NCOR2: variants seen among roughly 807,000 people sequenced by gnomAD.
The protein encoded by NCOR2 is CTG repeat protein 26.
NCOR2 carries 81 observed loss-of-function variants against 262.9 expected under a neutral mutation model. That is an observed-to-expected ratio of 0.31 (90% CI 0.26 to 0.37). NCOR2 has a LOEUF of 0.37. Ranked by LOEUF, NCOR2 falls within the 10% of genes least tolerant of loss-of-function variation. NCOR2 has a pLI of 1.00. For synonymous variants in NCOR2, 1,659 were observed against 1,559.3 expected (o/e 1.06, Z -1.51); for missense variants, 3,385 against 3,621.4 (o/e 0.93, Z 1.68).
At chr12:124,490,295 T>G (rs2048009587) in intron 1 of NCOR2, among the ~76,000 whole-genome samples, 1 of 152,168 alleles carries the variant, frequency 6.6e-6, no homozygotes, top group Non-Finnish European at 1.5e-5. Flanking sequence ...CAACTCGCCA[T>G]TCCCCACAAG....
At chr12:124,347,611 A>G in intron 30 of NCOR2, 1 of 574,828 alleles carries the variant, frequency 1.7e-6, no homozygotes, top group Non-Finnish European at 3.1e-6. Context: ...CACAGGGGTG[A>G]TCGGTGGTAT....
At chr12:124,385,596 C>A (rs1307693636) in intron 17 of NCOR2, 149 bp downstream of exon 19, 14 of 1,233,412 alleles carry the variant, frequency 1.1e-5, no homozygotes, top group African/African-American at 1.5e-5. Flanking sequence ...TACTCCCGGG[C>A]TTGAACCCCC....
chr12:124,564,115 T>C (rs1328639966), intron 1 of NCOR2, among the ~76,000 whole-genome samples: 1 of 152,268 alleles, frequency 6.6e-6, no homozygotes, highest in Non-Finnish European at 1.5e-5. Context: ...TGTTGGTTCT[T>C]ATTACTAGCG....
chr12:124,509,030 T>G (rs2049219898), intron 1 of NCOR2, among the ~76,000 whole-genome samples: 1 of 152,068 alleles, frequency 6.6e-6, no homozygotes. Context: ...ACACACACAC[T>G]GGCCATGAAA....
At chr12:124,505,889 G>GCCCC (rs1477415226) in intron 1 of NCOR2, among the ~76,000 whole-genome samples, 2 of 152,064 alleles carry the variant, frequency 1.3e-5, no homozygotes, top group East Asian at 3.9e-4. Flanking sequence ...GAGCCCAAAT[G>GCCCC]CCCCAGCCCA....
At position 124,372,021 on chromosome 12, in the gene NCOR2, C is replaced by A; in HGVS notation, c.2807+1G>T. On this transcript the variant is annotated splice_donor_variant, in intron 20 of 46. Coordinates refer to ENST00000405201, the Ensembl canonical transcript of NCOR2. LOFTEE classifies it high-confidence loss of function. ...GTTAGGGCTGCCTGGCGCCCACTCACCGGTTCTTGTCGCCGCCCTCGGCCT... is the reference window on the plus strand; with the variant it reads ...GTTAGGGCTGCCTGGCGCCCACTCAACGGTTCTTGTCGCCGCCCTCGGCCT... 6.3e-7 allele frequency: 1 copy of A among 1,585,390 alleles called. No individual in the cohort carries two copies. Among genetic ancestry groups the A allele is most frequent in the Admixed American group, 1.7e-5 (1 of 58,264 alleles).
intron 33 of NCOR2, 23 bp from the exon 36 acceptor site, chr12:124,342,097 T>C (rs1267248085): frequency 2.5e-5 from 39 of 1,591,522 alleles, no homozygotes; most frequent in Non-Finnish European, 3.3e-5. Context: ...GGGGAGCTCA[T>C]GTGAGGCCAG....
At chr12:124,325,808 G>A (rs943068178) in intron 46 of NCOR2, among the ~76,000 whole-genome samples, 8 of 152,200 alleles carry the variant, frequency 5.3e-5, no homozygotes, top group African/African-American at 1.9e-4. Context: ...GACTATAGCA[G>A]TAGCCTATTC....
chr12:124,372,709 C>G, intron 19 of NCOR2, 99 bp from the exon 22 acceptor site: 1 of 1,108,990 alleles, frequency 9.0e-7, no homozygotes, highest in Non-Finnish European at 1.3e-6. Context: ...GCTCTGTCGC[C>G]TGATGCCAAA....
Position 124,333,127 on chromosome 12 carries a change from T to C in NCOR2, c.6755+3A>G. 2 of 1,598,918 alleles carry C rather than the reference T, an allele frequency of 1.3e-6. No individual in the cohort carries two copies. The highest frequency in any genetic ancestry group is 2.2e-5 in the East Asian group (1 of 44,522). ...GGGGCAGCGCATGTGCCCACAGAAG[T>C]ACCTGGGCTCCGTCTGTTCCCCATC... is the stretch of plus-strand genomic sequence containing the variant. On this transcript the variant is annotated splice_donor_region_variant and intron_variant, in intron 42 of 46. Transcript: ENST00000405201.
At chr12:124,373,753 T>C (rs1456109476) in intron 19 of NCOR2, among the ~76,000 whole-genome samples, 1 of 8,828 alleles carries the variant, frequency 1.1e-4, no homozygotes, top group Non-Finnish European at 4.3e-4. Context: ...CAGTGGACAA[T>C]CATGAGGCCA....
chr12:124,411,081 G>A (rs2136241335), intron 13 of NCOR2, among the ~76,000 whole-genome samples: 2 of 70,646 alleles, frequency 2.8e-5, no homozygotes, highest in South Asian at 9.5e-4. Flanking sequence ...AGAGAGAGAA[G>A]GGGAGAGAGA....
At chr12:124,509,697 G>A (rs2049279317) in intron 1 of NCOR2, among the ~76,000 whole-genome samples, 1 of 152,182 alleles carries the variant, frequency 6.6e-6, no homozygotes, top group South Asian at 2.1e-4. Flanking sequence ...GAGCCAGGGA[G>A]AGGCCTGTCC....
chr12:124,356,846 T>C, intron 22 of NCOR2, 64 bp from the exon 25 acceptor site: 5 of 1,416,056 alleles, frequency 3.5e-6, no homozygotes, highest in Non-Finnish European at 4.6e-6. Context: ...TCGGGAGCCC[T>C]GGCTGACCCT....
At chr12:124,417,135 A>ACTCCATGGAGAGCAGGCCG (rs2042935135) in intron 13 of NCOR2, among the ~76,000 whole-genome samples, 7 of 37,172 alleles carry the variant, frequency 1.9e-4, no homozygotes, top group South Asian at 9.2e-4. Context: ...AGAGCAGACC[A>ACTCCATGGAGAGCAGGCCG]GACACTCACT....
At chr12:124,560,365 C>T (rs1013709670) in intron 1 of NCOR2, among the ~76,000 whole-genome samples, 4 of 152,138 alleles carry the variant, frequency 2.6e-5, no homozygotes, top group Non-Finnish European at 5.9e-5. Flanking sequence ...TTATGGACAC[C>T]GAAATTTGCA....
intron 1 of NCOR2, among the ~76,000 whole-genome samples, chr12:124,558,156 C>G (rs2051945238): frequency 6.6e-6 from 1 of 152,158 alleles, no homozygotes; most frequent in African/African-American, 2.4e-5. Context: ...TGAGGACAAA[C>G]AGAGTCCTTC....
chr12:124,447,698 CT>C (rs549662911), intron 7 of NCOR2, among the ~76,000 whole-genome samples: 219 of 145,596 alleles, frequency 1.5e-3, no homozygotes, highest in Non-Finnish European at 1.4e-3. Flanking sequence ...TTCTTTCTTT[CT>C]TTTTTTTTTT....
intron 33 of NCOR2, 106 bp downstream of exon 35, chr12:124,342,899 G>C: frequency 3.1e-6 from 4 of 1,274,578 alleles, no homozygotes; most frequent in Non-Finnish European, 4.3e-6. Flanking sequence ...TCGCCATCCA[G>C]GGGAACCTGA....
Sources: gnomAD v4.1 joint callset for allele counts (sites outside exome capture counted in the v4.1 genomes callset) on GRCh38, gnomAD v4.1.1 for gene constraint, MANE v1.5 for transcripts, NCBI Gene and HGNC (gene_info 2026-07-23, HGNC 2026-07-21) for gene names.